Variants in RAB27B observed in about 807,000 individuals in gnomAD.
RAB27B encodes ras-related protein Rab-27B.
RAB27B carries 15 observed loss-of-function variants against 24.6 expected under a neutral mutation model. The observed-to-expected ratio is 0.61, with a 90% CI of 0.41 to 0.94. RAB27B has a LOEUF of 0.94. Among genes scored for constraint, RAB27B ranks in the 40% least tolerant of loss-of-function variants. The probability of loss-of-function intolerance (pLI) is 0.00; values close to 1 mark genes in which losing one functional copy is unlikely to be tolerated. For synonymous variants in RAB27B, 105 were observed against 92.5 expected (o/e 1.14, Z -0.78); for missense variants, 261 against 266.8 (o/e 0.98, Z 0.15).
chr18:54,841,507 A>C (rs1194497461), intron 1 of RAB27B, among the ~76,000 whole-genome samples: 1 of 152,230 alleles, frequency 6.6e-6, no homozygotes, highest in Non-Finnish European at 1.5e-5. Context: ...GAACACTGAG[A>C]AACTACTGTA....
chr18:54,728,923 A>AC (rs1555651004), intron 2 of RAB27B, among the ~76,000 whole-genome samples: 1 of 144,582 alleles, frequency 6.9e-6, no homozygotes, highest in Non-Finnish European at 1.5e-5. Context: ...AAAAAAAAAA[A>AC]CCACCACCAA....
intron 2 of RAB27B, among the ~76,000 whole-genome samples, chr18:54,756,173 A>G (rs958913178): frequency 6.6e-6 from 1 of 152,224 alleles, no homozygotes; most frequent in Non-Finnish European, 1.5e-5. Context: ...TCTGTGAAAC[A>G]TGACCTCCAT....
intron 1 of RAB27B, among the ~76,000 whole-genome samples, chr18:54,857,661 AT>A (rs1285180114): frequency 6.6e-6 from 1 of 152,170 alleles, no homozygotes. Flanking sequence ...GTGACTGTGT[AT>A]ATTGTGTATG....
At chr18:54,885,068 T>C (rs747154070) in intron 4 of RAB27B, among the ~76,000 whole-genome samples, 29 of 152,202 alleles carry the variant, frequency 1.9e-4, no homozygotes, top group Non-Finnish European at 3.8e-4. Flanking sequence ...GCCTAATCAA[T>C]TACTAAAGTC....
chr18:54,867,442 C>CTTTTTTTTTTTTTTTTT (rs548288719), intron 1 of RAB27B, among the ~76,000 whole-genome samples: 26 of 98,754 alleles, frequency 2.6e-4, no homozygotes, highest in South Asian at 4.0e-4. Flanking sequence ...CTTTTCTTTT[C>CTTTTTTTTTTTTTTTTT]TTTTTTTTTT....
At chr18:54,860,917 A>G (rs1911985325) in intron 1 of RAB27B, among the ~76,000 whole-genome samples, 1 of 152,250 alleles carries the variant, frequency 6.6e-6, no homozygotes, top group Non-Finnish European at 1.5e-5. Context: ...CGCTAAAACA[A>G]TGAATAGCCA....
intron 1 of RAB27B, among the ~76,000 whole-genome samples, chr18:54,874,923 GA>G (rs1467985512): frequency 6.6e-6 from 1 of 152,120 alleles, no homozygotes; most frequent in Non-Finnish European, 1.5e-5. Flanking sequence ...AGTGTGGGGG[GA>G]AATCATACTA....
intron 2 of RAB27B, among the ~76,000 whole-genome samples, chr18:54,756,657 A>C (rs1246247444): frequency 1.3e-5 from 2 of 152,168 alleles, no homozygotes; most frequent in Non-Finnish European, 2.9e-5. Flanking sequence ...AGGGCTAGCA[A>C]CAAGCCAGAC....
chr18:54,851,765 C>G (rs1222905574), intron 1 of RAB27B, among the ~76,000 whole-genome samples: 1 of 152,104 alleles, frequency 6.6e-6, no homozygotes, highest in African/African-American at 2.4e-5. Flanking sequence ...CCAATTTCAT[C>G]AGAATCTCCA....
upstream of RAB27B, among the ~76,000 whole-genome samples, chr18:54,823,845 CTT>C (rs1388323630): frequency 6.6e-6 from 1 of 152,020 alleles, no homozygotes; most frequent in African/African-American, 2.4e-5. Context: ...TTAAAATTAA[CTT>C]TATTTTTATT....
chr18:54,724,942 G>A (rs1477347498), intron 2 of RAB27B, among the ~76,000 whole-genome samples: 1 of 151,518 alleles, frequency 6.6e-6, no homozygotes, highest in African/African-American at 2.4e-5. Context: ...CAATTTGAAT[G>A]CTATTACATG....
At chr18:54,748,185 A>G (rs948529617) in intron 2 of RAB27B, among the ~76,000 whole-genome samples, 1 of 152,182 alleles carries the variant, frequency 6.6e-6, no homozygotes, top group Non-Finnish European at 1.5e-5. Flanking sequence ...ATTTAATTAT[A>G]TCTACAAAAT....
At chr18:54,825,165 T>G (rs1379253466), upstream of RAB27B, among the ~76,000 whole-genome samples, 1 of 152,240 alleles carries the variant, frequency 6.6e-6, no homozygotes, top group Non-Finnish European at 1.5e-5. Context: ...GATCCATTAT[T>G]GCTCTTGAGA....
chr18:54,888,276 T>G (rs1913227884), intron 5 of RAB27B, 158 bp downstream of exon 5: 4 of 743,318 alleles, frequency 5.4e-6, no homozygotes, highest in Non-Finnish European at 6.0e-6. Context: ...TATTAATGAA[T>G]TACTTAATAA....
At chr18:54,784,090 T>A (rs1909004010) in intron 2 of RAB27B, among the ~76,000 whole-genome samples, 1 of 152,182 alleles carries the variant, frequency 6.6e-6, no homozygotes, top group Non-Finnish European at 1.5e-5. Context: ...TGGATCACAT[T>A]ACAGAAAGGC....
chr18:54,812,412 T>G (rs1320478498), intron 2 of RAB27B, among the ~76,000 whole-genome samples: 2 of 152,164 alleles, frequency 1.3e-5, no homozygotes, highest in African/African-American at 4.8e-5. Flanking sequence ...AAAGAAATTT[T>G]ATTGCCAAAT....
chr18:54,866,545 G>A (rs1222094620), intron 1 of RAB27B, among the ~76,000 whole-genome samples: 4 of 152,194 alleles, frequency 2.6e-5, no homozygotes, highest in African/African-American at 7.2e-5. Context: ...TGATCCGCCC[G>A]CTTCGGCCTC....
At chr18:54,764,140 C>T (rs1457835731) in intron 2 of RAB27B, among the ~76,000 whole-genome samples, 3 of 152,122 alleles carry the variant, frequency 2.0e-5, no homozygotes, top group East Asian at 3.9e-4. Flanking sequence ...TTTCTTCCTC[C>T]TAGCTTTCCC....
chr18:54,781,211 A>G (rs977543779), intron 2 of RAB27B, among the ~76,000 whole-genome samples: 2 of 152,060 alleles, frequency 1.3e-5, no homozygotes, highest in Non-Finnish European at 2.9e-5. Context: ...AAGTATCACA[A>G]TGCAGTCTTT....
Sources: allele counts gnomAD v4.1 joint callset (sites outside exome capture counted in the v4.1 genomes callset), GRCh38; gene constraint gnomAD v4.1.1; transcripts MANE v1.5; gene names NCBI Gene and HGNC (gene_info 2026-07-23, HGNC 2026-07-21).